CAND1: variants seen among roughly 807,000 people sequenced by gnomAD.
CAND1 encodes the protein cullin associated and neddylation dissociated 1.
CAND1 carries 7 observed loss-of-function variants against 108.5 expected under a neutral mutation model. The observed-to-expected ratio is 0.06, with a 90% confidence interval of 0.04 to 0.12. The LOEUF (loss-of-function observed/expected upper bound fraction) is 0.12, where lower values mean the gene tolerates loss of function less well. CAND1 is among the 10% of genes least tolerant of loss of function. The pLI is 1.00. For missense variants in CAND1, 941 were observed against 1,448.7 expected (o/e 0.65, Z 5.69); for synonymous variants, 534 against 512.0 (o/e 1.04, Z -0.58).
rs1040578083 is a variant in CAND1 at position 67,313,943 on chromosome 12, T to C, written c.*1113T>C. On this transcript the variant is annotated 3_prime_UTR_variant, in exon 15 of 15. Transcript: ENST00000545606. ...TCCTGTAGAGCGAATTTACATATTG[T>C]ATTGGGTAAGTGTTCACTACTTTTC... 1 of 152,606 alleles carries C rather than the reference T, an allele frequency of 6.6e-6. No homozygotes were observed. Among genetic ancestry groups the C allele is most frequent in the Non-Finnish European group, 1.5e-5 (1 of 67,996 alleles). 9.5% of individuals were successfully genotyped at this position (152,606 alleles called of 1,614,324 possible). A position where few individuals can be genotyped will look rare whatever the true frequency, so the allele number is the denominator to read the frequency against.
chr12:67,288,568 T>C (rs2044694116), intron 2 of CAND1, among the ~76,000 whole-genome samples: 1 of 152,232 alleles, frequency 6.6e-6, no homozygotes, highest in Admixed American at 6.5e-5. Flanking sequence ...AAAGACAAAA[T>C]TGTTCTGATA....
At chr12:67,294,411 CT>C (rs1275980442) in intron 3 of CAND1, among the ~76,000 whole-genome samples, 1 of 151,896 alleles carries the variant, frequency 6.6e-6, no homozygotes, top group African/African-American at 2.4e-5. Flanking sequence ...TTTAAAGAAG[CT>C]GCTAAGCATT....
chr12:67,306,444 A>G lies in CAND1; in HGVS notation c.2776A>G (p.Lys926Glu), dbSNP rs1328513555. Residue 926 changes from lysine (K) to glutamate (E), a missense_variant, in exon 10 of 15, where the codon AAA becomes GAA. By Grantham distance (56) the Lys-to-Glu change is moderately conservative. This residue lies in a region of CAND1 where 106 missense variants were observed against 182.0 expected (regional missense o/e 0.58). Coordinates refer to ENST00000545606, the MANE Select transcript of CAND1 (RefSeq NM_018448.5). ...IISSASVVGL[K>E]PYVENIWALL... ...TAGCTCTGCATCAGTGGTGGGCCTT[A>G]AACCATATGTTGAAAACATCTGGGC... 2 of 1,614,054 alleles carry G rather than the reference A, an allele frequency of 1.2e-6. No individual in the cohort carries two copies. Among genetic ancestry groups the G allele is most frequent in the Non-Finnish European group, 1.7e-6 (2 of 1,179,974 alleles).
At chr12:67,280,501 G>C (rs545405054) in intron 1 of CAND1, among the ~76,000 whole-genome samples, 7 of 152,052 alleles carry the variant, frequency 4.6e-5, no homozygotes, top group Non-Finnish European at 7.4e-5. Flanking sequence ...ACAAAATAAC[G>C]TATTTTTACT....
chr12:67,302,035 T>C (rs911219186), intron 7 of CAND1, among the ~76,000 whole-genome samples: 13 of 152,210 alleles, frequency 8.5e-5, no homozygotes, highest in African/African-American at 1.4e-4. Flanking sequence ...TAATTGATGA[T>C]TTTAAAGGGT....
intron 1 of CAND1, among the ~76,000 whole-genome samples, chr12:67,280,792 C>T (rs1033814068): frequency 6.6e-6 from 1 of 152,154 alleles, no homozygotes; most frequent in Non-Finnish European, 1.5e-5. Context: ...CAGTCCTTTT[C>T]ATTTAAAGCT....
chr12:67,308,058 T>C (rs978817116), intron 11 of CAND1, among the ~76,000 whole-genome samples: 2 of 152,068 alleles, frequency 1.3e-5, no homozygotes, highest in East Asian at 3.8e-4. Context: ...TTTGGGATTA[T>C]TTCTGATTTT....
At chr12:67,297,378 TTTTC>T in intron 4 of CAND1, 25 bp from the exon 5 acceptor site, 1 of 1,595,350 alleles carries the variant, frequency 6.3e-7, no homozygotes, top group Non-Finnish European at 8.5e-7. Context: ...TCATTTGTTG[TTTTC>T]TTTCTTTTTT....
intron 4 of CAND1, among the ~76,000 whole-genome samples, chr12:67,296,904 C>T (rs569460644): frequency 6.6e-6 from 1 of 152,012 alleles, no homozygotes; most frequent in South Asian, 2.1e-4. Context: ...CTCAGGTGAT[C>T]CTCCCACTTC....
intron 4 of CAND1, among the ~76,000 whole-genome samples, chr12:67,296,583 C>T (rs1019267310): frequency 3.3e-5 from 5 of 151,946 alleles, no homozygotes; most frequent in African/African-American, 1.2e-4. Context: ...TACAGGTGCC[C>T]ACCACCTCCA....
Position 67,315,450 on chromosome 12 carries a change from C to CAAAAAAA in CAND1, c.*2634_*2640dup, listed in dbSNP as rs35359125. On this transcript the variant is annotated 3_prime_UTR_variant, in exon 15 of 15. Coordinates refer to ENST00000545606, the MANE Select transcript of CAND1 (RefSeq NM_018448.5). ...TGGGCAACAGAGCGAGAGTCTGTCT[C>CAAAAAAA]AAAAAAAAAAAAAAAAAAAAGGCAG... 2 of 64,418 alleles carry CAAAAAAA rather than the reference C, an allele frequency of 3.1e-5. No homozygotes were observed. The highest frequency in any genetic ancestry group is 9.5e-5 in the African/African-American group (2 of 21,026). The allele number at this position is 64,418 out of a possible 1,614,324, so 4.0% of individuals were successfully genotyped here. A position where few individuals can be genotyped will look rare whatever the true frequency, so the allele number is the denominator to read the frequency against.
In CAND1 at chr12:67,305,010, G is replaced by A; in HGVS notation, c.1436-94G>A. Reference sequence around the variant, plus strand: ...CTACTTATAGAAATAATATAATGAAGTGGGAACATTAGCAGTACTATAGGG... The same window carrying A: ...CTACTTATAGAAATAATATAATGAAATGGGAACATTAGCAGTACTATAGGG... On this transcript the variant is annotated intron_variant, in intron 9 of 14. Coordinates refer to ENST00000545606, the MANE Select transcript of CAND1 (RefSeq NM_018448.5). The surrounding 1 kb of genome is among the most constrained non-coding windows in gnomAD (Gnocchi z 4.4). The A allele has an allele frequency of 9.7e-7, 1 of 1,033,852 alleles. No individual in the cohort carries two copies. Among genetic ancestry groups the A allele is most frequent in the Admixed American group, 2.6e-5 (1 of 39,210 alleles). 64.0% of individuals were successfully genotyped at this position (1,033,852 alleles called of 1,614,324 possible). A position where few individuals can be genotyped will look rare whatever the true frequency, so the allele number is the denominator to read the frequency against.
chr12:67,284,171 G>A (rs1262530973), intron 2 of CAND1, among the ~76,000 whole-genome samples: 2 of 151,902 alleles, frequency 1.3e-5, no homozygotes, highest in Non-Finnish European at 2.9e-5. Context: ...GATAATTCCA[G>A]TACAGAGAGT....
At chr12:67,296,715 A>T (rs528587818) in intron 4 of CAND1, among the ~76,000 whole-genome samples, 1 of 151,838 alleles carries the variant, frequency 6.6e-6, no homozygotes, top group South Asian at 2.1e-4. Flanking sequence ...GATTATAGGC[A>T]TGAGCCACCA....
chr12:67,283,105 G>T (rs1186748551), intron 2 of CAND1, among the ~76,000 whole-genome samples: 1 of 152,052 alleles, frequency 6.6e-6, no homozygotes, highest in East Asian at 1.9e-4. Context: ...TTTAAATAAA[G>T]CATTATCCCA....
intron 1 of CAND1, among the ~76,000 whole-genome samples, chr12:67,274,809 A>C (rs1187579838): frequency 6.6e-6 from 1 of 152,208 alleles, no homozygotes; most frequent in Middle Eastern, 3.2e-3. Flanking sequence ...GAAACTGTTT[A>C]AAATGCTTGT....
At position 67,305,081 on chromosome 12, in the gene CAND1, T is replaced by A; in HGVS notation, c.1436-23T>A. ...TCTTAAAAGTCTGCACAGCAATGAT[T>A]GGATTTTTTGTTGGCTTTTTAGGAA... is the stretch of plus-strand genomic sequence containing the variant. On this transcript the variant is annotated intron_variant, in intron 9 of 14. Coordinates refer to ENST00000545606, the MANE Select transcript of CAND1 (RefSeq NM_018448.5). The surrounding 1 kb of genome is among the most constrained non-coding windows in gnomAD (Gnocchi z 4.4). The A allele has an allele frequency of 1.3e-6, 2 of 1,594,552 alleles. No homozygotes were observed. The highest frequency in any genetic ancestry group is 1.7e-6 in the Non-Finnish European group (2 of 1,170,840).
intron 1 of CAND1, among the ~76,000 whole-genome samples, chr12:67,278,968 G>T (rs1353149033): frequency 1.3e-5 from 2 of 152,170 alleles, no homozygotes; most frequent in African/African-American, 4.8e-5. Context: ...AATTGTGTGT[G>T]CTTTGGTTAG....
chr12:67,285,317 T>C lies in CAND1; in HGVS notation c.212+3264T>C, dbSNP rs550039496. On this transcript the variant is annotated intron_variant, in intron 2 of 14. Transcript: ENST00000545606. ...CAGAGAGATATTTCATGTCCTTGGA[T>C]GGGATAACTCCACATCATAAAGTTT... Among the ~76,000 whole-genome samples the C allele has an allele frequency of 2.1e-4, 32 of 152,344 alleles. 1 individual carries two copies. The East Asian group carries it at 4.0e-3, about 19-fold the overall frequency.
Sources: gnomAD v4.1 joint callset for allele counts (sites outside exome capture counted in the v4.1 genomes callset) on GRCh38, gnomAD v4.1.1 for gene constraint, gnomAD v4.1.1 regional missense constraint, Gnocchi (gnomAD v3.1) non-coding constraint, MANE v1.5 for transcripts, NCBI Gene and HGNC (gene_info 2026-07-23, HGNC 2026-07-21) for gene names.